OPA1: variants seen among roughly 807,000 people sequenced by gnomAD.
The protein encoded by OPA1 is dynamin-like GTPase OPA1, mitochondrial.
OPA1 carries 59 observed loss-of-function variants against 152.9 expected under a neutral mutation model. The observed-to-expected ratio is 0.39, with a 90% CI of 0.31 to 0.48. The LOEUF (loss-of-function observed/expected upper bound fraction) is 0.48. Ranked by LOEUF, OPA1 falls within the 20% of genes least tolerant of loss-of-function variation. The pLI, the probability that OPA1 is intolerant of heterozygous loss-of-function variation, is 0.96. For synonymous variants in OPA1, 400 were observed against 389.9 expected (o/e 1.03, Z -0.31); for missense variants, 1,008 against 1,216.8 (o/e 0.83, Z 2.55).
Position 193,593,706 on chromosome 3 carries a change from C to T in OPA1, c.32+297C>T, listed in dbSNP as rs545494149. Among the ~76,000 whole-genome samples, 21 of 152,264 alleles carry T rather than the reference C, an allele frequency of 1.4e-4. 1 individual carries two copies. The South Asian group carries it at 4.4e-3, about 32-fold the overall frequency. The stretch of plus-strand genomic sequence containing the variant: ...GTCTCTGCCCTTTACACCCTTGTGT[C>T]TTCAGTGTTCTGTCTGTCTCTGGTT... On this transcript the variant is annotated intron_variant, in intron 1 of 30. Coordinates refer to ENST00000361510, the MANE Select transcript of OPA1 (RefSeq NM_130837.3).
In OPA1 at chr3:193,611,111, C is replaced by A. The variant is rs181632130; in HGVS notation, c.33-3612C>A. 3.5e-3 allele frequency among the ~76,000 whole-genome samples: 539 copies of A among 152,266 alleles called. 5 individuals carry two copies. Among genetic ancestry groups the A allele is most frequent in the African/African-American group, 0.012 (499 of 41,568 alleles). ...CCTCAGTTGGAAATGCAGAAATCACCCGTTTTCTGCGTCGCTCAAGCTGGG... is the reference window on the plus strand; with the variant it reads ...CCTCAGTTGGAAATGCAGAAATCACACGTTTTCTGCGTCGCTCAAGCTGGG... On this transcript the variant is annotated intron_variant, in intron 1 of 30. Transcript: ENST00000361510.
rs1425106103 is a variant in OPA1 at position 193,658,872 on chromosome 3, T to C, written c.2332-15T>C. ...TGTAAAACAAGTTGGCTTTTTCTCTTCTTGTTATTTTCAGAGGGTTATTCA... is the reference window on the plus strand; with the variant it reads ...TGTAAAACAAGTTGGCTTTTTCTCTCCTTGTTATTTTCAGAGGGTTATTCA... On this transcript the variant is annotated splice_polypyrimidine_tract_variant and intron_variant, in intron 23 of 30. Transcript: ENST00000361510. The C allele has an allele frequency of 1.3e-6, 2 of 1,592,506 alleles. No homozygotes were observed. Among genetic ancestry groups the C allele is most frequent in the East Asian group, 2.2e-5 (1 of 44,728 alleles).
chr3:193,667,211 T>A lies in OPA1; in HGVS notation c.2914T>A (p.Phe972Ile). 1 of 1,608,438 alleles carries A rather than the reference T, an allele frequency of 6.2e-7. No homozygotes were observed. Among genetic ancestry groups the A allele is most frequent in the South Asian group, 1.1e-5 (1 of 90,962 alleles). Residue 972 changes from phenylalanine (F) to isoleucine (I), a missense_variant, in exon 29 of 31, where the codon TTT becomes ATT. Phe to Ile is a conservative substitution (Grantham distance 21). Coordinates refer to ENST00000361510, the MANE Select transcript of OPA1 (RefSeq NM_130837.3). ...AAATGTTAAAGAGGTATTGGAAGAT[T>A]TTGCTGAAGATGGTGAGAAGAAGAT... Reference protein sequence around the residue: ...EKNVKEVLEDFAEDGEKKIKL... With the variant: ...EKNVKEVLEDIAEDGEKKIKL...
At chr3:193,633,034 TC>T (rs1432744424) in intron 8 of OPA1, among the ~76,000 whole-genome samples, 1 of 152,144 alleles carries the variant, frequency 6.6e-6, no homozygotes, top group Non-Finnish European at 1.5e-5. Flanking sequence ...GTCACAGGTT[TC>T]TTTGGTATCT....
intron 16 of OPA1, among the ~76,000 whole-genome samples, chr3:193,645,144 A>G (rs1345238338): frequency 6.6e-6 from 1 of 152,116 alleles, no homozygotes; most frequent in Non-Finnish European, 1.5e-5. Flanking sequence ...TATTTGAAGA[A>G]AGTATGGAAA....
chr3:193,695,894 G>C lies in OPA1; in HGVS notation c.*1294G>C, dbSNP rs1323664770. On this transcript the variant is annotated 3_prime_UTR_variant, in exon 31 of 31. Transcript: ENST00000361510. ...GTGATCCCTCAAGATGTAACACTTG[G>C]TATGCTCGGTTGAGGATATGAAAAA... is the stretch of plus-strand genomic sequence containing the variant. 1.3e-5 allele frequency: 2 copies of C among 152,178 alleles called. No individual in the cohort carries two copies. Among genetic ancestry groups the C allele is most frequent in the Non-Finnish European group, 2.9e-5 (2 of 68,032 alleles). The allele number at this position is 152,178 out of a possible 1,614,324, so 9.4% of individuals were successfully genotyped here. A position where few individuals can be genotyped will look rare whatever the true frequency, so the allele number is the denominator to read the frequency against.
intron 29 of OPA1, among the ~76,000 whole-genome samples, chr3:193,676,806 C>T (rs1372264106): frequency 3.9e-5 from 6 of 151,966 alleles, no homozygotes; most frequent in African/African-American, 1.5e-4. Context: ...CAGTGAAACC[C>T]CGTCTCTACT....
At chr3:193,612,784 G>C (rs1198411537) in intron 1 of OPA1, among the ~76,000 whole-genome samples, 1 of 152,210 alleles carries the variant, frequency 6.6e-6, no homozygotes, top group Non-Finnish European at 1.5e-5. Context: ...GTACTTATCA[G>C]AGGTCTGAGG....
At chr3:193,638,973 A>G (rs775068429) in intron 11 of OPA1, among the ~76,000 whole-genome samples, 1 of 152,188 alleles carries the variant, frequency 6.6e-6, no homozygotes, top group Non-Finnish European at 1.5e-5. Context: ...AGGATTAAAG[A>G]TGTTTATATG....
intron 11 of OPA1, 149 bp downstream of exon 11, chr3:193,638,214 G>C: frequency 1.4e-6 from 1 of 707,120 alleles, no homozygotes; most frequent in Non-Finnish European, 2.5e-6. Flanking sequence ...ATCAGTAGAA[G>C]GCACAGCCAG....
At chr3:193,654,480 A>T (rs1713303659) in intron 21 of OPA1, among the ~76,000 whole-genome samples, 1 of 151,116 alleles carries the variant, frequency 6.6e-6, no homozygotes, top group Admixed American at 6.6e-5. Flanking sequence ...AGCCTGGGCA[A>T]CTAAGCAAGA....
At chr3:193,689,669 A>G (rs901086257) in intron 29 of OPA1, among the ~76,000 whole-genome samples, 2 of 152,142 alleles carry the variant, frequency 1.3e-5, no homozygotes, top group Non-Finnish European at 2.9e-5. Flanking sequence ...ACCTCCCTGC[A>G]GTAGTCCATC....
chr3:193,646,102 C>T (rs1253931210), intron 18 of OPA1, among the ~76,000 whole-genome samples: 3 of 152,108 alleles, frequency 2.0e-5, no homozygotes, highest in Non-Finnish European at 2.9e-5. Flanking sequence ...AGAAAATCGA[C>T]GCTTTCACTT....
At chr3:193,608,380 C>T (rs1479701971) in intron 1 of OPA1, among the ~76,000 whole-genome samples, 1 of 152,152 alleles carries the variant, frequency 6.6e-6, no homozygotes, top group Admixed American at 6.5e-5. Flanking sequence ...TTGAATGTGT[C>T]CCAGAGATTC....
intron 1 of OPA1, among the ~76,000 whole-genome samples, chr3:193,595,560 G>A (rs1192768976): frequency 6.6e-6 from 1 of 152,128 alleles, no homozygotes; most frequent in Non-Finnish European, 1.5e-5. Context: ...TTGCTGCTGA[G>A]AATTCTTATG....
rs1325770617 is a variant in OPA1, at chr3:193,617,212, C to T, written c.483C>T (p.Asp161=). Residue 161 remains aspartate (D), a synonymous_variant, in exon 4 of 31, where the codon GAC becomes GAT. Transcript: ENST00000361510. The stretch of plus-strand genomic sequence containing the variant: ...GAAAAGCCCTTCCTAGTTCAGAAGA[C>T]CTTGTAAAGTTAGCACCAGACTTTG... ...KIRKALPSSE[D]LVKLAPDFDK... 6.2e-7 allele frequency: 1 copy of T among 1,612,418 alleles called. No homozygotes were observed. The highest frequency in any genetic ancestry group is 2.2e-5 in the East Asian group (1 of 44,800).
At chr3:193,598,702 A>G (rs562794029) in intron 1 of OPA1, among the ~76,000 whole-genome samples, 1 of 152,306 alleles carries the variant, frequency 6.6e-6, no homozygotes, top group South Asian at 2.1e-4. Context: ...GGTAAGGAGA[A>G]GAAAGAAATA....
At chr3:193,632,291 C>T (rs1732204720) in intron 8 of OPA1, among the ~76,000 whole-genome samples, 1 of 152,142 alleles carries the variant, frequency 6.6e-6, no homozygotes, top group Non-Finnish European at 1.5e-5. Context: ...ACCATCCTGG[C>T]TAACACAGTG....
At chr3:193,648,996 A>G in intron 21 of OPA1, 125 bp downstream of exon 21, 1 of 685,270 alleles carries the variant, frequency 1.5e-6, no homozygotes, top group Non-Finnish European at 2.6e-6. Flanking sequence ...AAAACGTAAT[A>G]GTATATTTTT....
Sources: allele counts gnomAD v4.1 joint callset (sites outside exome capture counted in the v4.1 genomes callset), GRCh38; gene constraint gnomAD v4.1.1; transcripts MANE v1.5; gene names NCBI Gene and HGNC (gene_info 2026-07-23, HGNC 2026-07-21).